The following CDH13 variants were observed in gnomAD, a reference collection of about 807,000 sequenced individuals.
CDH13 encodes cadherin 13, also known as cadherin-13.
A neutral mutation model predicts 63.8 loss-of-function variants in CDH13; 24 were observed. The ratio of observed to expected loss-of-function variants is 0.38; its 90% CI spans 0.27 to 0.53. The LOEUF (loss-of-function observed/expected upper bound fraction) is 0.53, where lower values mean the gene tolerates loss of function less well. CDH13 is among the 20% of genes least tolerant of loss of function. CDH13 has a pLI of 0.85. For missense variants in CDH13, 1,049 were observed against 903.1 expected (o/e 1.16, Z -2.07); for synonymous variants, 503 against 355.3 (o/e 1.42, Z -4.67).
chr16:82,737,815 C>A (rs1157118), intron 1 of CDH13, among the ~76,000 whole-genome samples: 114,300 of 152,124 alleles, frequency 0.75, 43,776 homozygotes, highest in African/African-American at 0.91. Context: ...TATAATTGAC[C>A]TACAAAAAAT....
intron 4 of CDH13, among the ~76,000 whole-genome samples, chr16:83,216,428 AT>A (rs2039526358): frequency 1.6e-5 from 1 of 62,904 alleles, no homozygotes; most frequent in South Asian, 6.1e-4. Flanking sequence ...ATATATATAT[AT>A]ATATATATAT....
At chr16:83,577,731 C>T (rs1905190140) in intron 7 of CDH13, among the ~76,000 whole-genome samples, 1 of 152,158 alleles carries the variant, frequency 6.6e-6, no homozygotes, top group Non-Finnish European at 1.5e-5. Flanking sequence ...CCCTCGAAAT[C>T]ACGTAGATGC....
intron 8 of CDH13, among the ~76,000 whole-genome samples, chr16:83,660,188 A>G (rs777228897): frequency 6.6e-6 from 1 of 152,162 alleles, no homozygotes; most frequent in African/African-American, 2.4e-5. Flanking sequence ...AGCACATTAC[A>G]TTTATTGTGT....
intron 6 of CDH13, among the ~76,000 whole-genome samples, chr16:83,351,330 A>C (rs1441022637): frequency 6.6e-6 from 1 of 151,726 alleles, no homozygotes; most frequent in East Asian, 1.9e-4. Flanking sequence ...AAAATAAATA[A>C]AGCAATTCTG....
intron 1 of CDH13, among the ~76,000 whole-genome samples, chr16:82,697,429 T>C (rs1052288953): frequency 2.6e-5 from 3 of 114,798 alleles, no homozygotes; most frequent in African/African-American, 8.2e-5. Flanking sequence ...TTTTCTTTTT[T>C]TTTTTTTTTT....
intron 2 of CDH13, among the ~76,000 whole-genome samples, chr16:82,939,844 A>C (rs1385612986): frequency 6.6e-6 from 1 of 152,170 alleles, no homozygotes; most frequent in African/African-American, 2.4e-5. Context: ...ATTTCATTCC[A>C]CTATAGGTAT....
intron 5 of CDH13, among the ~76,000 whole-genome samples, chr16:83,291,585 G>T (rs1025827403): frequency 1.3e-5 from 2 of 151,968 alleles, no homozygotes; most frequent in Non-Finnish European, 2.9e-5. Context: ...ATCCAAGATA[G>T]AATTTTAGTA....
chr16:83,751,520 G>A (rs891407725), intron 11 of CDH13, among the ~76,000 whole-genome samples: 1 of 152,226 alleles, frequency 6.6e-6, no homozygotes, highest in Non-Finnish European at 1.5e-5. Flanking sequence ...CAAGATGTGA[G>A]GAGGGAGGCA....
intron 6 of CDH13, among the ~76,000 whole-genome samples, chr16:83,431,231 G>A (rs62040089): frequency 0.042 from 6,361 of 151,686 alleles, 191 homozygotes; most frequent in Non-Finnish European, 0.061. Flanking sequence ...TGGACATTTG[G>A]GTTGGTTCCG....
intron 6 of CDH13, among the ~76,000 whole-genome samples, chr16:83,445,078 T>C (rs1007462266): frequency 6.6e-6 from 1 of 152,070 alleles, no homozygotes; most frequent in Admixed American, 6.6e-5. Context: ...ATATTCTTAA[T>C]TTTTGATATT....
At chr16:83,241,677 T>G (rs1234735364) in intron 5 of CDH13, among the ~76,000 whole-genome samples, 2 of 152,198 alleles carry the variant, frequency 1.3e-5, no homozygotes, top group Admixed American at 6.5e-5. Flanking sequence ...TTTAATCAGT[T>G]TATTTGGATT....
intron 3 of CDH13, among the ~76,000 whole-genome samples, chr16:83,063,006 A>G (rs1450167121): frequency 7.1e-6 from 1 of 140,882 alleles, no homozygotes; most frequent in East Asian, 2.1e-4. Context: ...TCTATTACCC[A>G]GGCTGGAGTT....
At chr16:82,849,269 C>G (rs141461818) in intron 1 of CDH13, among the ~76,000 whole-genome samples, 74 of 152,204 alleles carry the variant, frequency 4.9e-4, no homozygotes, top group Non-Finnish European at 8.1e-4. Context: ...TTTCGGAGAC[C>G]AAAGCAGGTG....
intron 5 of CDH13, among the ~76,000 whole-genome samples, chr16:83,257,970 G>GT (rs1329269331): frequency 6.6e-6 from 1 of 152,168 alleles, no homozygotes; most frequent in Non-Finnish European, 1.5e-5. Flanking sequence ...TCTAACTGGT[G>GT]TGAGATGGTA....
chr16:82,975,358 C>G (rs989701369), intron 2 of CDH13, among the ~76,000 whole-genome samples: 4 of 152,182 alleles, frequency 2.6e-5, no homozygotes, highest in Non-Finnish European at 5.9e-5. Context: ...GGGCCCCAGA[C>G]AGTGGCAGGC....
In CDH13 at chr16:83,301,038, T is replaced by TTTG. The variant is rs1227377495; in HGVS notation, c.637-43822_637-43821insGTT. ...TAACTTTCTGGGGTTTTTTTTTTTT[T>TTTG]TTTTTTTTTTTGAGACAGAGCCTCA... is the stretch of plus-strand genomic sequence containing the variant. On this transcript the variant is annotated intron_variant, in intron 5 of 13. Transcript: ENST00000567109. Among the ~76,000 whole-genome samples, 8 of 136,772 alleles carry TTTG rather than the reference T, an allele frequency of 5.8e-5. 1 individual carries two copies. The East Asian group carries it at 1.3e-3, about 23-fold the overall frequency. 89.7% of individuals were successfully genotyped at this position (136,772 alleles called of 152,430 possible). A position where few individuals can be genotyped will look rare whatever the true frequency, so the allele number is the denominator to read the frequency against.
intron 2 of CDH13, among the ~76,000 whole-genome samples, chr16:83,031,286 TAC>T: frequency 6.9e-6 from 1 of 145,346 alleles, no homozygotes; most frequent in African/African-American, 2.5e-5. Flanking sequence ...ATACACCATA[TAC>T]ATGCGCATGT....
chr16:82,746,388 G>A (rs1012763337), intron 1 of CDH13, among the ~76,000 whole-genome samples: 7 of 151,930 alleles, frequency 4.6e-5, no homozygotes, highest in Admixed American at 3.3e-4. Flanking sequence ...AACCTGAGAT[G>A]CTTTTATCAT....
rs201743750 is a variant in CDH13 at position 82,974,597 on chromosome 16, AT to A, written c.158-57408del. Among the ~76,000 whole-genome samples, 588 of 152,224 alleles carry A rather than the reference AT, an allele frequency of 3.9e-3. 8 individuals are homozygous for A. The highest frequency in any genetic ancestry group is 0.014 in the African/African-American group (563 of 41,544). On this transcript the variant is annotated intron_variant, in intron 2 of 13. Transcript: ENST00000567109. Reference sequence around the variant, plus strand: ...ACTTTGCAGATGTAATTAGATTAAAATTTTTGAGATTGAGAGATCATGTTGG... The same window carrying A: ...ACTTTGCAGATGTAATTAGATTAAAATTTTGAGATTGAGAGATCATGTTGG...
Sources: allele counts gnomAD v4.1 joint callset (sites outside exome capture counted in the v4.1 genomes callset), GRCh38; gene constraint gnomAD v4.1.1; transcripts MANE v1.5; gene names NCBI Gene and HGNC (gene_info 2026-07-23, HGNC 2026-07-21).